The following DDX49 variants were observed in gnomAD, a reference collection of about 807,000 sequenced individuals.
DDX49 encodes DEAD-box helicase 49.
A neutral mutation model predicts 56.3 loss-of-function variants in DDX49; 50 were observed. The observed-to-expected ratio is 0.89, with a 90% CI of 0.71 to 1.12. The LOEUF is 1.12. Among genes scored for constraint, DDX49 ranks in the 50% most tolerant of loss-of-function variants. DDX49 has a pLI of 0.00. For missense variants in DDX49, 614 were observed against 650.5 expected (o/e 0.94, Z 0.61); for synonymous variants, 269 against 270.6 (o/e 0.99, Z 0.06).
rs1243554452 is a variant in DDX49, at chr19:18,922,478, C to T, written c.600C>T (p.Ala200=). ...CACTCCGGGAGCTGCAGGGTCTGGCCACCAACCAGCCCTTCTTCTGGGAAG... is the reference window on the plus strand; with the variant it reads ...CACTCCGGGAGCTGCAGGGTCTGGCTACCAACCAGCCCTTCTTCTGGGAAG... ...TDTLRELQGL[A]TNQPFFWEAQ... is the part of the protein sequence containing the mutation. Residue 200 remains alanine, a synonymous_variant, in exon 5 of 13, where the codon GCC becomes GCT. Coordinates refer to ENST00000247003, the MANE Select transcript of DDX49 (RefSeq NM_019070.5). 1.2e-6 allele frequency: 2 copies of T among 1,601,020 alleles called. No individual in the cohort carries two copies. Among genetic ancestry groups the T allele is most frequent in the Middle Eastern group, 1.7e-4 (1 of 6,046 alleles).
rs1344542339 is a variant in DDX49 at position 18,925,944 on chromosome 19, G to A, written c.1028-359G>A. Among the ~76,000 whole-genome samples, 7 of 152,312 alleles carry A rather than the reference G, an allele frequency of 4.6e-5. No individual in the cohort carries two copies. In the East Asian group the frequency reaches 7.7e-4, roughly 17 times the overall value. On this transcript the variant is annotated intron_variant, in intron 9 of 12. Transcript: ENST00000247003. ...CCTTGTCCACCATCAGTGCAGTTTC[G>A]GCCCTAGTCAACGTCACAGAAAACA... is the stretch of plus-strand genomic sequence containing the variant.
rs554978698 is a variant in DDX49, at chr19:18,924,855, G to A, written c.930-27G>A. On this transcript the variant is annotated intron_variant, in intron 8 of 12. Transcript: ENST00000247003. Reference sequence around the variant, plus strand: ...CCTCGGTTTCCCCACATGGACAGTGGAGCTGACCAGCCACCTCTGCCTCCA... The same window carrying A: ...CCTCGGTTTCCCCACATGGACAGTGAAGCTGACCAGCCACCTCTGCCTCCA... 19 of 1,612,294 alleles carry A rather than the reference G, an allele frequency of 1.2e-5. No individual in the cohort carries two copies. The East Asian group carries it at 4.0e-4, about 34-fold the overall frequency.
In DDX49 at chr19:18,927,038, G is replaced by T. The variant is rs148582154; in HGVS notation, c.1102+661G>T. 3.7e-5 allele frequency among the ~76,000 whole-genome samples: 5 copies of T among 136,554 alleles called. No homozygotes were observed. The Admixed American group carries it at 4.1e-4, about 11-fold the overall frequency. 89.6% of individuals were successfully genotyped at this position (136,554 alleles called of 152,430 possible). ...CAGTGAGCCAAGGTCGCGCCATTAC[G>T]CTCCAGCCTGGGTGACAGTGAGACT... is the stretch of plus-strand genomic sequence containing the variant. On this transcript the variant is annotated intron_variant, in intron 10 of 12. Transcript: ENST00000247003.
intron 2 of DDX49, 135 bp from the exon 3 acceptor site, chr19:18,921,528 A>C (rs1290595750): frequency 1.2e-6 from 1 of 816,742 alleles, no homozygotes; most frequent in African/African-American, 1.7e-5. Flanking sequence ...AAGGCTCAGC[A>C]TCAGAGCCTT....
chr19:18,924,413 G>C, intron 7 of DDX49, 105 bp downstream of exon 7: 1 of 1,175,734 alleles, frequency 8.5e-7, no homozygotes, highest in African/African-American at 1.5e-5. Flanking sequence ...CCTGCCACCT[G>C]GTCTCTTCTG....
intron 9 of DDX49, among the ~76,000 whole-genome samples, chr19:18,925,556 A>G (rs2056954508): frequency 6.6e-6 from 1 of 152,252 alleles, no homozygotes; most frequent in African/African-American, 2.4e-5. Flanking sequence ...CTCTGTCTCA[A>G]AAAATAATAA....
chr19:18,923,935 G>C (rs775800334), intron 6 of DDX49, among the ~76,000 whole-genome samples: 5 of 151,550 alleles, frequency 3.3e-5, no homozygotes, highest in Non-Finnish European at 7.4e-5. Flanking sequence ...AGCCTCCTGA[G>C]TAGCTGAGGC....
At position 18,922,664 on chromosome 19, in the gene DDX49, C is replaced by T. The variant is rs375677261; in HGVS notation, c.696C>T (p.Asp232=). ...TGCTGGTGCCTGAGAAGGTCAAGGA[C>T]GCCTACCTGGTCCACCTGATCCAGC... ...RYLLVPEKVK[D]AYLVHLIQRF... The change falls in exon 6 of 13, where the codon GAC becomes GAT. Residue 232 remains aspartate (D), a synonymous_variant. Transcript: ENST00000247003. The T allele has an allele frequency of 1.7e-5, 27 of 1,613,940 alleles. No homozygotes were observed. Among genetic ancestry groups the T allele is most frequent in the East Asian group, 2.2e-5 (1 of 44,900 alleles).
rs1277323775 is a variant in DDX49 at position 18,922,532 on chromosome 19, C to A, written c.635+19C>A. On this transcript the variant is annotated intron_variant, in intron 5 of 12. Transcript: ENST00000247003. ...AGGCCCCGTGAGTCCACAGCCCAGA[C>A]AGCGTGGGGAGGGCAGCCCCATCCT... The A allele has an allele frequency of 6.3e-7, 1 of 1,597,890 alleles. No homozygotes were observed. The highest frequency in any genetic ancestry group is 8.5e-7 in the Non-Finnish European group (1 of 1,172,652).
chr19:18,923,096 A>AC (rs1477185567), intron 6 of DDX49, among the ~76,000 whole-genome samples: 1 of 151,840 alleles, frequency 6.6e-6, no homozygotes, highest in African/African-American at 2.4e-5. Context: ...ACAGACAGAG[A>AC]CCCCTGGGGA....
chr19:18,922,200 C>A, intron 4 of DDX49, 126 bp from the exon 5 acceptor site: 2 of 1,298,838 alleles, frequency 1.5e-6, no homozygotes, highest in Non-Finnish European at 2.1e-6. Context: ...GCAGGCCTCC[C>A]TTGGAAGGAG....
chr19:18,926,410 A>AG (rs762556736), intron 10 of DDX49, 33 bp downstream of exon 10: 2 of 122,456 alleles, frequency 1.6e-5, no homozygotes, highest in Admixed American at 1.6e-4. Flanking sequence ...GTAGAGAAGG[A>AG]GGGGTGGGGT....
In DDX49 at chr19:18,922,613, C is replaced by A; in HGVS notation, c.645C>A (p.Thr215=). The A allele has an allele frequency of 6.2e-7, 1 of 1,612,584 alleles. No homozygotes were observed. Among genetic ancestry groups the A allele is most frequent in the Non-Finnish European group, 8.5e-7 (1 of 1,179,324 alleles). Residue 215 remains threonine, a synonymous_variant, in exon 6 of 13, where the codon ACC becomes ACA. Coordinates refer to ENST00000247003, the MANE Select transcript of DDX49 (RefSeq NM_019070.5). The stretch of plus-strand genomic sequence containing the variant: ...ATCTGTCCATCCCCAGGGTGAGCAC[C>A]GTGGAGCAGCTGGACCAGCGCTACC... ...FFWEAQAPVS[T]VEQLDQRYLL...
intron 2 of DDX49, 126 bp from the exon 3 acceptor site, chr19:18,921,537 T>G (rs1342674213): frequency 2.2e-6 from 2 of 889,946 alleles, no homozygotes; most frequent in African/African-American, 3.3e-5. Flanking sequence ...CATCAGAGCC[T>G]TTGTGAACAG....
Position 18,926,155 on chromosome 19 carries a change from C to T in DDX49, c.1028-148C>T, listed in dbSNP as rs551021539. The T allele has an allele frequency of 1.3e-4, 100 of 795,300 alleles. No individual in the cohort carries two copies. The Admixed American group carries it at 2.4e-3, about 19-fold the overall frequency. The allele number at this position is 795,300 out of a possible 1,614,324, so 49.3% of individuals were successfully genotyped here. On this transcript the variant is annotated intron_variant, in intron 9 of 12. Transcript: ENST00000247003. Reference sequence around the variant, plus strand: ...CACAGTGGTCCTGCTTGGGGTCAAGCCCAGACACTCTGGGCTGATCCCTCC... The same window carrying T: ...CACAGTGGTCCTGCTTGGGGTCAAGTCCAGACACTCTGGGCTGATCCCTCC...
rs1404971513 is a variant in DDX49 at position 18,928,111 on chromosome 19, G to T, written c.1264-17G>T. ...GGGGCCGCCAGCTCAGCCATCCCCTGGTCCTCCCTGTGCCAGGACCCTGAC... is the reference window on the plus strand; with the variant it reads ...GGGGCCGCCAGCTCAGCCATCCCCTTGTCCTCCCTGTGCCAGGACCCTGAC... On this transcript the variant is annotated splice_polypyrimidine_tract_variant and intron_variant, in intron 12 of 12. Transcript: ENST00000247003. 3 of 1,611,446 alleles carry T rather than the reference G, an allele frequency of 1.9e-6. No homozygotes were observed. The highest frequency in any genetic ancestry group is 2.5e-6 in the Non-Finnish European group (3 of 1,179,030).
At chr19:18,922,017 GC>G (rs2056922031) in intron 4 of DDX49, 53 bp downstream of exon 4, 3 of 1,561,128 alleles carry the variant, frequency 1.9e-6, no homozygotes, top group Admixed American at 1.9e-5. Context: ...GAGCCTCCAG[GC>G]CCAATGTCAG....
intron 2 of DDX49, among the ~76,000 whole-genome samples, chr19:18,921,415 G>T (rs75357755): frequency 0.069 from 10,503 of 152,252 alleles, 405 homozygotes; most frequent in Middle Eastern, 0.11. Flanking sequence ...GAAGGCACAG[G>T]TTTGGGATAG....
At chr19:18,923,809 C>CTTTT (rs1214454256) in intron 6 of DDX49, among the ~76,000 whole-genome samples, 4 of 130,144 alleles carry the variant, frequency 3.1e-5, no homozygotes, top group South Asian at 2.5e-4. Context: ...CATCCTGCCT[C>CTTTT]TTTTTTTTTT....
Sources: allele counts gnomAD v4.1 joint callset (sites outside exome capture counted in the v4.1 genomes callset), GRCh38; gene constraint gnomAD v4.1.1; transcripts MANE v1.5; gene names NCBI Gene and HGNC (gene_info 2026-07-23, HGNC 2026-07-21).